Variants in SARDH observed in about 807,000 individuals in gnomAD.
The protein encoded by SARDH is sarcosine dehydrogenase.
In SARDH, 95 loss-of-function variants were observed where a neutral mutation model predicts 109.1. That is an observed-to-expected ratio of 0.87 (90% confidence interval 0.74 to 1.03). SARDH has a LOEUF of 1.03. Ranked by LOEUF, SARDH falls within the 50% of genes least tolerant of loss-of-function variation. SARDH has a pLI of 0.00. For missense variants in SARDH, 1,267 were observed against 1,287.8 expected (o/e 0.98, Z 0.25); for synonymous variants, 572 against 534.8 (o/e 1.07, Z -0.96).
At chr9:133,668,322 TCCCTC>T (rs1564227246) in intron 19 of SARDH, among the ~76,000 whole-genome samples, 21 of 38,986 alleles carry the variant, frequency 5.4e-4, no homozygotes, top group Admixed American at 1.1e-3. Context: ...TCCCCCACCC[TCCCTC>T]TCCCTCTCCC....
At chr9:133,701,535 G>A (rs997919477) in intron 13 of SARDH, among the ~76,000 whole-genome samples, 1 of 152,272 alleles carries the variant, frequency 6.6e-6, no homozygotes, top group Non-Finnish European at 1.5e-5. Flanking sequence ...GGCTTCAGGC[G>A]CGTTTGCGGA....
chr9:133,713,302 GC>G (rs767797889), intron 8 of SARDH, among the ~76,000 whole-genome samples, 178 bp from the exon 9 acceptor site: 60 of 152,034 alleles, frequency 3.9e-4, no homozygotes, highest in Non-Finnish European at 7.2e-4. Context: ...GCTGGCTCCT[GC>G]CCGTGCTCTC....
rs186500951 is a variant in SARDH at position 133,718,661 on chromosome 9, A to C, written c.1020+277T>G. On this transcript the variant is annotated intron_variant, in intron 7 of 20. Transcript: ENST00000439388. This position sits in a 1 kb window ranked among gnomAD's most constrained non-coding sequence, Gnocchi z 4.2. ...AAGGACGTAGGACTTGTGTGCTCTC[A>C]TGCCCTTCTGAGGTCATCACTCCAC... 42 of 779,486 alleles carry C rather than the reference A, an allele frequency of 5.4e-5. 3 individuals carry two copies. The East Asian group carries it at 1.0e-3, about 18-fold the overall frequency. The allele number at this position is 779,486 out of a possible 1,614,324, so 48.3% of individuals were successfully genotyped here. A position where few individuals can be genotyped will look rare whatever the true frequency, so the allele number is the denominator to read the frequency against.
intron 10 of SARDH, 126 bp from the exon 11 acceptor site, chr9:133,708,554 G>A: frequency 7.9e-7 from 1 of 1,268,108 alleles, no homozygotes; most frequent in South Asian, 1.5e-5. Context: ...GCTCAGCATT[G>A]AGCGGGCCCC....
intron 13 of SARDH, 86 bp from the exon 14 acceptor site, chr9:133,696,447 C>A: frequency 6.5e-7 from 1 of 1,543,506 alleles, no homozygotes; most frequent in Non-Finnish European, 8.9e-7. Flanking sequence ...GGGGCTGTGT[C>A]CAACACACCT....
intron 8 of SARDH, among the ~76,000 whole-genome samples, 166 bp from the exon 9 acceptor site, chr9:133,713,290 C>T (rs1831998541): frequency 6.6e-6 from 1 of 152,212 alleles, no homozygotes; most frequent in Non-Finnish European, 1.5e-5. Flanking sequence ...GGGGGCCTCC[C>T]CGCTGGCTCC....
chr9:133,684,804 GC>G (rs1409577213), intron 17 of SARDH, among the ~76,000 whole-genome samples: 3 of 152,336 alleles, frequency 2.0e-5, no homozygotes, highest in African/African-American at 7.2e-5. Flanking sequence ...TCCGGAGCCA[GC>G]TACTGCTCAG....
At chr9:133,737,195 G>A (rs1435102721) in intron 1 of SARDH, among the ~76,000 whole-genome samples, 1 of 152,240 alleles carries the variant, frequency 6.6e-6, no homozygotes. Context: ...CCTAGGCACA[G>A]TGGGGGATGT....
At chr9:133,680,201 A>G (rs1206733399) in intron 17 of SARDH, among the ~76,000 whole-genome samples, 1 of 152,236 alleles carries the variant, frequency 6.6e-6, no homozygotes, top group Non-Finnish European at 1.5e-5. Context: ...ACTCCGTGCT[A>G]CAGGTGGGGA....
In SARDH at chr9:133,702,832, C is replaced by T; in HGVS notation, c.1668+84G>A. The T allele has an allele frequency of 6.3e-6, 8 of 1,274,080 alleles. No individual in the cohort carries two copies. In the South Asian group the frequency reaches 8.6e-5, roughly 14 times the overall value. 78.9% of individuals were successfully genotyped at this position (1,274,080 alleles called of 1,614,324 possible). ...GACTCCTGGGGGAGGGGAGCCCCTG[C>T]AGGGCCAGCCGAGGGCCGGCGCAAT... On this transcript the variant is annotated intron_variant, in intron 13 of 20. Transcript: ENST00000439388.
At chr9:133,711,369 G>C (rs1039089886) in intron 10 of SARDH, among the ~76,000 whole-genome samples, 1 of 152,340 alleles carries the variant, frequency 6.6e-6, no homozygotes, top group South Asian at 2.1e-4. Context: ...TTCAAAAGCC[G>C]GGTGACTTCA....
Position 133,731,535 on chromosome 9 carries a change from G to A in SARDH, c.511-51C>T, listed in dbSNP as rs750253384. 5.7e-6 allele frequency: 9 copies of A among 1,578,958 alleles called. No individual in the cohort carries two copies. In the Admixed American group the frequency reaches 1.4e-4, roughly 24 times the overall value. On this transcript the variant is annotated intron_variant, in intron 3 of 20. Coordinates refer to ENST00000439388, the MANE Select transcript of SARDH (RefSeq NM_001134707.2). ...TGAGTCCGTGGGGAGCAGACCCCTG[G>A]GCCACTCCCCTCCCCAACTGGGCAT...
chr9:133,698,071 T>C (rs1456560836), intron 13 of SARDH, among the ~76,000 whole-genome samples: 1 of 145,622 alleles, frequency 6.9e-6, no homozygotes, highest in Non-Finnish European at 1.5e-5. Flanking sequence ...TTCAACGAGG[T>C]TGCAGGATAC....
At chr9:133,696,604 A>G (rs539096351) in intron 13 of SARDH, among the ~76,000 whole-genome samples, 1 of 152,350 alleles carries the variant, frequency 6.6e-6, no homozygotes, top group South Asian at 2.1e-4. Flanking sequence ...AATAAATTCA[A>G]AAAGGTTGAA....
At chr9:133,739,034 T>G (rs1832976779), upstream of SARDH, among the ~76,000 whole-genome samples, 1 of 152,124 alleles carries the variant, frequency 6.6e-6, no homozygotes, top group South Asian at 2.1e-4. Context: ...CACAGCAAGC[T>G]GGTGGAGGAG....
chr9:133,684,725 G>A (rs146897423), intron 17 of SARDH, among the ~76,000 whole-genome samples: 55 of 152,272 alleles, frequency 3.6e-4, no homozygotes, highest in Middle Eastern at 3.4e-3. Context: ...GGGACTGGCT[G>A]TGCTCCCACC....
rs1831959659 is a variant in SARDH at position 133,712,534 on chromosome 9, T to A, written c.1328+85A>T. ...AAGCCACCTGGATTTCAGGCAAGGCTCCTTTCTCAGTAGCCCTCGCTGTTT... is the reference window on the plus strand; with the variant it reads ...AAGCCACCTGGATTTCAGGCAAGGCACCTTTCTCAGTAGCCCTCGCTGTTT... On this transcript the variant is annotated intron_variant, in intron 10 of 20. Transcript: ENST00000439388. This position sits in a 1 kb window ranked among gnomAD's most constrained non-coding sequence, Gnocchi z 4.1. 3 of 1,240,970 alleles carry A rather than the reference T, an allele frequency of 2.4e-6. No homozygotes were observed. Among genetic ancestry groups the A allele is most frequent in the South Asian group, 2.5e-5 (2 of 79,276 alleles). 76.9% of individuals were successfully genotyped at this position (1,240,970 alleles called of 1,614,324 possible).
chr9:133,730,470 T>TTA (rs398113937), intron 4 of SARDH, among the ~76,000 whole-genome samples: 2 of 147,190 alleles, frequency 1.4e-5, no homozygotes, highest in African/African-American at 5.0e-5. Flanking sequence ...GACTTTTTTT[T>TTA]AAAAAAAAAA....
At chr9:133,677,013 C>G (rs1380503762) in intron 17 of SARDH, among the ~76,000 whole-genome samples, 1 of 152,070 alleles carries the variant, frequency 6.6e-6, no homozygotes, top group East Asian at 1.9e-4. Context: ...GTGATGGGCA[C>G]CTTTAGTCCC....
Sources: allele counts gnomAD v4.1 joint callset (sites outside exome capture counted in the v4.1 genomes callset), GRCh38; gene constraint gnomAD v4.1.1; non-coding constraint Gnocchi (gnomAD v3.1); transcripts MANE v1.5; gene names NCBI Gene and HGNC (gene_info 2026-07-23, HGNC 2026-07-21).